The following FAT3 variants were observed in gnomAD, a reference collection of about 807,000 sequenced individuals.
FAT3 encodes FAT atypical cadherin 3, also known as protocadherin Fat 3.
A neutral mutation model predicts 310.2 loss-of-function variants in FAT3; 95 were observed. The observed-to-expected ratio is 0.31, with a 90% confidence interval of 0.26 to 0.36. FAT3 has a LOEUF of 0.36. Among genes scored for constraint, FAT3 ranks in the 10% least tolerant of loss-of-function variants. FAT3 has a pLI of 1.00. For missense variants in FAT3, 5,408 were observed against 5,715.6 expected, an observed-to-expected ratio of 0.95 and a Z score of 1.74; for synonymous variants, 2,314 against 2,192.9, an observed-to-expected ratio of 1.06 and a Z score of -1.54.
chr11:92,723,480 C>A (rs1385067793), intron 4 of FAT3, among the ~76,000 whole-genome samples: 1 of 152,184 alleles, frequency 6.6e-6, no homozygotes, highest in African/African-American at 2.4e-5. Context: ...TCTTCTGAGA[C>A]CTCCAAATTG....
rs143663700 is a variant in FAT3, at chr11:92,443,891, A to G, written c.3293-80743A>G. ...ATGCCTTATAAATTGTTTATTTTTC[A>G]TCATTTACAAAATGGCTTTATGTTT... On this transcript the variant is annotated intron_variant, in intron 2 of 27. Transcript: ENST00000525166. 3.5e-3 allele frequency among the ~76,000 whole-genome samples: 530 copies of G among 152,292 alleles called. 8 individuals carry two copies. The highest frequency in any genetic ancestry group is 0.012 in the African/African-American group (486 of 41,574).
chr11:92,664,081 A>C (rs1044270790), intron 3 of FAT3, among the ~76,000 whole-genome samples: 1 of 152,212 alleles, frequency 6.6e-6, no homozygotes, highest in Admixed American at 6.5e-5. Flanking sequence ...GTATATGCTC[A>C]TTCTCATCAT....
At chr11:92,701,841 T>TA (rs1372970101) in intron 4 of FAT3, among the ~76,000 whole-genome samples, 3 of 152,240 alleles carry the variant, frequency 2.0e-5, no homozygotes, top group Non-Finnish European at 2.9e-5. Flanking sequence ...TCTGTCTTAT[T>TA]ATATAATCAC....
At chr11:92,386,975 C>T (rs1271428346) in intron 2 of FAT3, among the ~76,000 whole-genome samples, 2 of 151,960 alleles carry the variant, frequency 1.3e-5, no homozygotes, top group Non-Finnish European at 2.9e-5. Context: ...TTGCCACCGT[C>T]TTGTTAGGAG....
At chr11:92,422,959 T>C (rs1016692804) in intron 2 of FAT3, among the ~76,000 whole-genome samples, 2 of 152,134 alleles carry the variant, frequency 1.3e-5, no homozygotes, top group African/African-American at 4.8e-5. Context: ...TATTCATTCT[T>C]CCCCCTTCTC....
intron 17 of FAT3, among the ~76,000 whole-genome samples, chr11:92,839,216 C>T: frequency 6.6e-6 from 1 of 152,220 alleles, no homozygotes; most frequent in East Asian, 1.9e-4. Context: ...AGGCTCAGCC[C>T]ATGAGTGATG....
intron 2 of FAT3, among the ~76,000 whole-genome samples, chr11:92,358,542 G>A (rs1202707195): frequency 1.3e-5 from 2 of 152,084 alleles, no homozygotes; most frequent in Non-Finnish European, 2.9e-5. Flanking sequence ...AGGAAAAAAG[G>A]TTTGGGCTTG....
At chr11:92,438,585 T>G (rs1950998626) in intron 2 of FAT3, among the ~76,000 whole-genome samples, 1 of 152,242 alleles carries the variant, frequency 6.6e-6, no homozygotes, top group African/African-American at 2.4e-5. Context: ...TAATGTATTA[T>G]TTGAATTTTA....
intron 3 of FAT3, among the ~76,000 whole-genome samples, chr11:92,590,596 G>T (rs1173355793): frequency 5.9e-5 from 9 of 152,212 alleles, no homozygotes; most frequent in Non-Finnish European, 8.8e-5. Context: ...CCTAAAAATA[G>T]CTGACCAAAT....
chr11:92,282,843 C>G (rs1946465640), intron 1 of FAT3, among the ~76,000 whole-genome samples: 1 of 152,016 alleles, frequency 6.6e-6, no homozygotes, highest in African/African-American at 2.4e-5. Context: ...ACTTATATCA[C>G]CAATTCTGAT....
chr11:92,815,931 A>G (rs1947814583), intron 13 of FAT3, among the ~76,000 whole-genome samples: 1 of 152,224 alleles, frequency 6.6e-6, no homozygotes, highest in Non-Finnish European at 1.5e-5. Context: ...TTCCAAGAAA[A>G]CAATGAAGAA....
At chr11:92,803,880 T>C (rs1016737430) in intron 10 of FAT3, among the ~76,000 whole-genome samples, 1 of 152,218 alleles carries the variant, frequency 6.6e-6, no homozygotes, top group Non-Finnish European at 1.5e-5. Context: ...TTTGGTTTCA[T>C]TGTATTCCAC....
intron 1 of FAT3, among the ~76,000 whole-genome samples, chr11:92,230,679 A>G (rs765888630): frequency 1.2e-4 from 19 of 152,348 alleles, no homozygotes; most frequent in Non-Finnish European, 1.8e-4. Flanking sequence ...ACAGTGGGCA[A>G]GATTCAAAGA....
chr11:92,510,679 C>T (rs1327091264), intron 2 of FAT3, among the ~76,000 whole-genome samples: 1 of 152,186 alleles, frequency 6.6e-6, no homozygotes, highest in Non-Finnish European at 1.5e-5. Flanking sequence ...TTTTAGAATT[C>T]CTGAGTCCCA....
chr11:92,674,182 AAATAATAAT>A lies in FAT3; in HGVS notation c.3608-23172_3608-23164del, dbSNP rs550101493. 1.1e-3 allele frequency among the ~76,000 whole-genome samples: 156 copies of A among 140,948 alleles called. 2 individuals carry two copies. The highest frequency in any genetic ancestry group is 7.8e-3 in the East Asian group (37 of 4,760). The allele number at this position is 140,948 out of a possible 152,430, so 92.5% of individuals were successfully genotyped here. On this transcript the variant is annotated intron_variant, in intron 3 of 27. Coordinates refer to ENST00000525166, the MANE Select transcript of FAT3 (RefSeq NM_001367949.2). ...GTTGACAGAGTGAGACTCCATCTCA[AAATAATAAT>A]AATAATAATAATAATAATAATAATA...
chr11:92,475,981 T>C (rs1377565377), intron 2 of FAT3, among the ~76,000 whole-genome samples: 1 of 152,166 alleles, frequency 6.6e-6, no homozygotes, highest in Non-Finnish European at 1.5e-5. Context: ...TAGTGATTTA[T>C]GAGACAGCTC....
chr11:92,579,078 C>T (rs1406008799), intron 3 of FAT3, among the ~76,000 whole-genome samples: 4 of 151,980 alleles, frequency 2.6e-5, no homozygotes, highest in Admixed American at 6.6e-5. Flanking sequence ...GTGTTGTAAG[C>T]TAAAATCCAG....
At chr11:92,861,044 G>T (rs1474905202) in intron 21 of FAT3, among the ~76,000 whole-genome samples, 2 of 152,216 alleles carry the variant, frequency 1.3e-5, no homozygotes, top group Non-Finnish European at 2.9e-5. Context: ...CATGGTGAAA[G>T]AAGAAAAACT....
intron 11 of FAT3, 52 bp from the exon 12 acceptor site, chr11:92,806,310 A>G (rs767352174): frequency 1.4e-4 from 206 of 1,473,184 alleles, no homozygotes; most frequent in Non-Finnish European, 8.0e-5. Flanking sequence ...AAATATGGCA[A>G]TTGCCCCCAC....
Sources: gnomAD v4.1 joint callset for allele counts (sites outside exome capture counted in the v4.1 genomes callset) on GRCh38, gnomAD v4.1.1 for gene constraint, MANE v1.5 for transcripts, NCBI Gene and HGNC (gene_info 2026-07-23, HGNC 2026-07-21) for gene names.